CERT1: variants seen among roughly 807,000 people sequenced by gnomAD.
CERT1 encodes the protein ceramide transfer protein.
A neutral mutation model predicts 87.9 loss-of-function variants in CERT1; 31 were observed. The observed-to-expected ratio is 0.35, with a 90% CI of 0.27 to 0.48. The LOEUF (loss-of-function observed/expected upper bound fraction) is 0.48. Among genes scored for constraint, CERT1 ranks in the 20% least tolerant of loss-of-function variants. The pLI, the probability that CERT1 is intolerant of heterozygous loss-of-function variation, is 0.99. For synonymous variants in CERT1, 289 were observed against 250.9 expected, an observed-to-expected ratio of 1.15 and a Z score of -1.44; for missense variants, 487 against 758.0, an observed-to-expected ratio of 0.64 and a Z score of 4.20.
chr5:75,456,495 C>T (rs1242737273), intron 3 of CERT1, among the ~76,000 whole-genome samples: 3 of 151,582 alleles, frequency 2.0e-5, no homozygotes, highest in South Asian at 2.1e-4. Flanking sequence ...ATGGCGAAAC[C>T]GTGTCTCTAC....
At position 75,368,916 on chromosome 5, in the gene CERT1, A is replaced by T. The variant is rs1437119574; in HGVS notation, c.*10-258T>A. 3 of 150,856 alleles carry T rather than the reference A, an allele frequency of 2.0e-5. No homozygotes were observed. The East Asian group carries it at 5.9e-4, about 30-fold the overall frequency. 9.3% of individuals were successfully genotyped at this position (150,856 alleles called of 1,614,324 possible). ...AAGTTGAAAATAACGTAAGTTGAAA[A>T]CTTTTTTTTTTTTGGAGACAGAGTC... On this transcript the variant is annotated intron_variant, in intron 17 of 17. Coordinates refer to the CERT1 transcript ENST00000261415.
chr5:75,438,889 T>C (rs866168825), intron 3 of CERT1, among the ~76,000 whole-genome samples: 1 of 151,960 alleles, frequency 6.6e-6, no homozygotes, highest in Non-Finnish European at 1.5e-5. Context: ...ACTACAGTAA[T>C]GAGACCATAC....
At chr5:75,484,412 A>G (rs1315662905) in intron 2 of CERT1, among the ~76,000 whole-genome samples, 1 of 151,936 alleles carries the variant, frequency 6.6e-6, no homozygotes, top group Non-Finnish European at 1.5e-5. Context: ...AACAGTATGA[A>G]TGTATATGGA....
intron 11 of CERT1, among the ~76,000 whole-genome samples, chr5:75,395,056 C>T (rs948551184): frequency 6.6e-6 from 1 of 152,162 alleles, no homozygotes; most frequent in African/African-American, 2.4e-5. Context: ...CAATAATGTG[C>T]TCCTATGGAC....
intron 2 of CERT1, among the ~76,000 whole-genome samples, chr5:75,499,397 A>T (rs985441239): frequency 6.6e-6 from 1 of 151,918 alleles, no homozygotes; most frequent in African/African-American, 2.4e-5. Flanking sequence ...TGTGGGAGGG[A>T]CCTGTTATGA....
chr5:75,374,430 G>C (rs1761207704), downstream of CERT1: 1 of 573,450 alleles, frequency 1.7e-6, no homozygotes, highest in African/African-American at 1.9e-5. Context: ...AAAAAAAACG[G>C]GAACAGTCCT....
chr5:75,419,895 C>A lies in CERT1; in HGVS notation c.596-471G>T, dbSNP rs145054849. On this transcript the variant is annotated intron_variant, in intron 5 of 16. Transcript: ENST00000643780. Reference sequence around the variant, plus strand: ...TCCCTTCCGTGGGGCCATTTCCACTCTGTAAGAGGACCAGAAGGGCTGAAC... The same window carrying A: ...TCCCTTCCGTGGGGCCATTTCCACTATGTAAGAGGACCAGAAGGGCTGAAC... 3.6e-3 allele frequency among the ~76,000 whole-genome samples: 542 copies of A among 152,220 alleles called. 1 individual carries two copies. Among genetic ancestry groups the A allele is most frequent in the African/African-American group, 0.013 (529 of 41,538 alleles).
chr5:75,389,661 C>T lies in CERT1; in HGVS notation c.1215G>A (p.Met405Ile). Residue 405 changes from methionine (M) to isoleucine (I), a missense_variant, in exon 12 of 17, where the codon ATG (methionine) becomes ATA (isoleucine). Physicochemically the swap from Met to Ile is conservative, Grantham distance 10. Around this residue, in one of 8 missense-constraint regions of CERT1, gnomAD observed 91 missense variants for 86.7 expected, o/e 1.05. Coordinates refer to ENST00000643780, the MANE Select transcript of CERT1 (RefSeq NM_001379029.1). Reference sequence around the variant, plus strand: ...CGCCTACATCCTGTAATGAGTAAGTCATGTGGTTCTGCACCATCTCTTCAA... The same window carrying T: ...CGCCTACATCCTGTAATGAGTAAGTTATGTGGTTCTGCACCATCTCTTCAA... ...SQVEEMVQNH[M>I]TYSLQDVGGD... 1.9e-6 allele frequency: 3 copies of T among 1,614,058 alleles called. No individual in the cohort carries two copies. The highest frequency in any genetic ancestry group is 2.5e-6 in the Non-Finnish European group (3 of 1,179,944).
chr5:75,450,072 A>G (rs1214106062), intron 3 of CERT1, among the ~76,000 whole-genome samples: 1 of 152,178 alleles, frequency 6.6e-6, no homozygotes, highest in Admixed American at 6.6e-5. Flanking sequence ...GCACCTTCCC[A>G]GACAGAAGAA....
At chr5:75,505,957 T>G (rs751839368) in intron 2 of CERT1, 25 bp downstream of exon 2, 8 of 1,596,730 alleles carry the variant, frequency 5.0e-6, no homozygotes, top group Non-Finnish European at 6.9e-6. Flanking sequence ...AAATATTTGT[T>G]GAATGAAGAA....
At chr5:75,477,554 T>C (rs1323193239) in intron 2 of CERT1, among the ~76,000 whole-genome samples, 2 of 151,104 alleles carry the variant, frequency 1.3e-5, no homozygotes, top group African/African-American at 4.9e-5. Context: ...GTAACTGCCT[T>C]ATTGCTTACC....
intron 11 of CERT1, among the ~76,000 whole-genome samples, chr5:75,393,774 G>A (rs895721515): frequency 2.0e-5 from 3 of 151,182 alleles, no homozygotes; most frequent in Admixed American, 6.6e-5. Context: ...GACCATCCCG[G>A]CTAACACGGT....
At chr5:75,452,702 A>C (rs1344589316) in intron 3 of CERT1, among the ~76,000 whole-genome samples, 4 of 152,302 alleles carry the variant, frequency 2.6e-5, no homozygotes, top group Middle Eastern at 6.8e-3. Flanking sequence ...TACTAGAAAA[A>C]TGTTAGCTTA....
chr5:75,479,099 G>T (rs185726925), intron 2 of CERT1, among the ~76,000 whole-genome samples: 7 of 149,542 alleles, frequency 4.7e-5, no homozygotes, highest in African/African-American at 1.7e-4. Flanking sequence ...GATATTAAAT[G>T]GGACAAAAAA....
downstream of CERT1, chr5:75,374,273 C>A (rs1761199430): frequency 2.4e-6 from 1 of 425,218 alleles, no homozygotes; most frequent in Non-Finnish European, 4.1e-6. Context: ...ACTACCAGAA[C>A]AGAGTTCTCC....
intron 6 of CERT1, 41 bp from the exon 7 acceptor site, chr5:75,417,074 G>A (rs1321588135): frequency 7.3e-7 from 1 of 1,370,462 alleles, no homozygotes; most frequent in East Asian, 2.4e-5. Context: ...CTCTAATGAG[G>A]AAATAATTCA....
At chr5:75,458,556 T>C (rs974943516) in intron 3 of CERT1, among the ~76,000 whole-genome samples, 1 of 152,060 alleles carries the variant, frequency 6.6e-6, no homozygotes, top group Non-Finnish European at 1.5e-5. Flanking sequence ...AAAATATTTA[T>C]CTTTTTTTTT....
intron 2 of CERT1, among the ~76,000 whole-genome samples, chr5:75,481,219 C>T (rs754395182): frequency 6.6e-6 from 1 of 152,204 alleles, no homozygotes; most frequent in South Asian, 2.1e-4. Flanking sequence ...GCTGTTCCTT[C>T]TCACCTGGTC....
intron 2 of CERT1, among the ~76,000 whole-genome samples, chr5:75,499,322 TAC>T (rs1003081977): frequency 6.6e-6 from 1 of 152,204 alleles, no homozygotes; most frequent in African/African-American, 2.4e-5. Flanking sequence ...GGCAGAATGA[TAC>T]AGTTTGGCTG....
Sources: allele counts gnomAD v4.1 joint callset (sites outside exome capture counted in the v4.1 genomes callset), GRCh38; gene constraint gnomAD v4.1.1; regional missense constraint gnomAD v4.1.1; transcripts MANE v1.5; gene names NCBI Gene and HGNC (gene_info 2026-07-23, HGNC 2026-07-21).